The following ADAM7 variants were observed in gnomAD, a reference collection of about 807,000 sequenced individuals.
ADAM7 encodes the protein ADAM metallopeptidase domain 7, also known as disintegrin and metalloproteinase domain-containing protein 7.
A neutral mutation model predicts 102.9 loss-of-function variants in ADAM7; 97 were observed. The observed-to-expected ratio is 0.94, with a 90% CI of 0.80 to 1.12. ADAM7 has a LOEUF of 1.12. ADAM7 is among the 50% of genes most tolerant of loss of function. The pLI is 0.00. For missense variants in ADAM7, 991 were observed against 908.7 expected (o/e 1.09, Z -1.16); for synonymous variants, 334 against 304.4 (o/e 1.10, Z -1.01).
intron 8 of ADAM7, among the ~76,000 whole-genome samples, chr8:24,478,134 T>A (rs1819830607): frequency 6.6e-6 from 1 of 152,198 alleles, no homozygotes; most frequent in Admixed American, 6.6e-5. Context: ...AACTGGATTC[T>A]CTGCTCAGGA....
At chr8:24,462,580 G>A (rs2129380433) in intron 3 of ADAM7, among the ~76,000 whole-genome samples, 1 of 152,222 alleles carries the variant, frequency 6.6e-6, no homozygotes, top group South Asian at 2.1e-4. Flanking sequence ...TCCCTTCAGA[G>A]TCTGCCTGCT....
intron 11 of ADAM7, among the ~76,000 whole-genome samples, chr8:24,487,964 G>C (rs987660848): frequency 3.9e-5 from 6 of 152,064 alleles, no homozygotes; most frequent in Non-Finnish European, 7.4e-5. Flanking sequence ...AAGCTATAAT[G>C]TCTTCCTTCA....
chr8:24,475,878 CAG>C (rs1471729205), intron 7 of ADAM7: 1 of 454,342 alleles, frequency 2.2e-6, no homozygotes. Context: ...CAACAAAAGT[CAG>C]AGTAGACTGG....
chr8:24,491,241 G>C lies in ADAM7; in HGVS notation c.1356+353G>C, dbSNP rs139180680. The stretch of plus-strand genomic sequence containing the variant: ...AGGGAAAGGGGTTATATTAGCATTG[G>C]AAAGTGGCAGTGGCTAGTAAGTGGA... On this transcript the variant is annotated intron_variant, in intron 13 of 21. Transcript: ENST00000175238. 1.9e-3 allele frequency among the ~76,000 whole-genome samples: 287 copies of C among 152,306 alleles called. 1 individual carries two copies. Among genetic ancestry groups the C allele is most frequent in the African/African-American group, 6.6e-3 (275 of 41,574 alleles).
Position 24,491,931 on chromosome 8 carries a change from C to T in ADAM7, c.1385C>T (p.Pro462Leu), listed in dbSNP as rs765178430. The change falls in exon 14 of 22, where the codon CCG (proline) becomes CTG (leucine). Residue 462 changes from proline (P) to leucine (L), a missense_variant. Transcript: ENST00000175238. ...QIKKAGSICRPAKDECDFPEM... is the reference protein window; with the variant it reads ...QIKKAGSICRLAKDECDFPEM... ...AAAAAAGCAGGGTCCATATGCAGACCGGCGAAAGATGAATGTGATTTTCCT... is the reference window on the plus strand; with the variant it reads ...AAAAAAGCAGGGTCCATATGCAGACTGGCGAAAGATGAATGTGATTTTCCT... 2.6e-5 allele frequency: 42 copies of T among 1,612,030 alleles called. No homozygotes were observed. Among genetic ancestry groups the T allele is most frequent in the Middle Eastern group, 1.6e-4 (1 of 6,064 alleles).
intron 16 of ADAM7, among the ~76,000 whole-genome samples, chr8:24,497,982 G>A (rs555204255): frequency 7.1e-4 from 108 of 152,014 alleles, no homozygotes; most frequent in African/African-American, 2.3e-3. Context: ...GAAAAGCAAT[G>A]CAATGATACT....
In ADAM7 at chr8:24,508,588, T is replaced by C; in HGVS notation, c.*42T>C. 6.2e-7 allele frequency: 1 copy of C among 1,613,230 alleles called. No individual in the cohort carries two copies. Among genetic ancestry groups the C allele is most frequent in the Non-Finnish European group, 8.5e-7 (1 of 1,179,482 alleles). ...CCAAAATGGCCGTGCAAGCTTAGGC[T>C]GGGGATTCTGGATGCAACGTCTTTA... On this transcript the variant is annotated 3_prime_UTR_variant, in exon 22 of 22. Coordinates refer to ENST00000175238, the MANE Select transcript of ADAM7 (RefSeq NM_003817.4).
rs776949968 is a variant in ADAM7 at position 24,490,764 on chromosome 8, C to A, written c.1267-35C>A. 8 of 1,599,536 alleles carry A rather than the reference C, an allele frequency of 5.0e-6. No individual in the cohort carries two copies. The Admixed American group carries it at 6.8e-5, about 14-fold the overall frequency. ...CTTCAAACAGGAGTCAGAGTACATACCAATTTCTCATCTCTCTTTTGTGGT... is the reference window on the plus strand; with the variant it reads ...CTTCAAACAGGAGTCAGAGTACATAACAATTTCTCATCTCTCTTTTGTGGT... On this transcript the variant is annotated intron_variant, in intron 12 of 21. Coordinates refer to ENST00000175238, the MANE Select transcript of ADAM7 (RefSeq NM_003817.4).
At chr8:24,493,316 G>T (rs1585917131) in intron 16 of ADAM7, 87 bp downstream of exon 16, 18 of 1,242,890 alleles carry the variant, frequency 1.4e-5, no homozygotes, top group Non-Finnish European at 1.8e-5. Context: ...TTCCAAAGAG[G>T]TCTAGATATG....
chr8:24,462,301 G>T (rs1422680213), intron 3 of ADAM7, among the ~76,000 whole-genome samples: 1 of 152,116 alleles, frequency 6.6e-6, no homozygotes, highest in Non-Finnish European at 1.5e-5. Context: ...ACAGAACTGA[G>T]GATTCTCCCC....
intron 2 of ADAM7, among the ~76,000 whole-genome samples, chr8:24,444,548 G>A (rs73223138): frequency 0.07 from 10,624 of 151,958 alleles, 464 homozygotes; most frequent in Admixed American, 0.11. Flanking sequence ...TAATAAAATG[G>A]CATTTTCTAT....
rs111355286 is a variant in ADAM7 at position 24,481,063 on chromosome 8, AAAACAAACAAAC to A, written c.706-1056_706-1045del. ...GGTGACAGAATGAGACCCTGTCTCA[AAAACAAACAAAC>A]AAACAAACAAACAAACAAACAATTC... is the stretch of plus-strand genomic sequence containing the variant. On this transcript the variant is annotated intron_variant, in intron 8 of 21. Transcript: ENST00000175238. Among the ~76,000 whole-genome samples, 25 of 149,982 alleles carry A rather than the reference AAAACAAACAAAC, an allele frequency of 1.7e-4. No individual in the cohort carries two copies. The East Asian group carries it at 2.4e-3, about 14-fold the overall frequency.
intron 20 of ADAM7, 61 bp from the exon 21 acceptor site, chr8:24,507,419 G>A (rs993946595): frequency 7.8e-5 from 105 of 1,337,652 alleles, no homozygotes; most frequent in Non-Finnish European, 1.0e-4. Context: ...GTCTGTGTGT[G>A]GATGCCCATG....
At chr8:24,454,552 C>A (rs909377430) in intron 3 of ADAM7, among the ~76,000 whole-genome samples, 2 of 152,202 alleles carry the variant, frequency 1.3e-5, no homozygotes, top group African/African-American at 4.8e-5. Context: ...CAGGTGCCAT[C>A]TGTCACCCCT....
chr8:24,459,147 T>G (rs1470517459), intron 3 of ADAM7, among the ~76,000 whole-genome samples: 1 of 151,954 alleles, frequency 6.6e-6, no homozygotes, highest in Non-Finnish European at 1.5e-5. Flanking sequence ...AGCATATTTG[T>G]GTGTATGTGT....
At chr8:24,497,767 C>A (rs1265218298) in intron 16 of ADAM7, among the ~76,000 whole-genome samples, 1 of 152,012 alleles carries the variant, frequency 6.6e-6, no homozygotes, top group Non-Finnish European at 1.5e-5. Context: ...TACCCTCATG[C>A]CTTGAATGTC....
chr8:24,454,541 G>C (rs1330409077), intron 3 of ADAM7, among the ~76,000 whole-genome samples: 2 of 152,138 alleles, frequency 1.3e-5, no homozygotes, highest in African/African-American at 4.8e-5. Context: ...ACCCGATTTT[G>C]CAGGTGCCAT....
chr8:24,506,784 C>T (rs565406681), intron 20 of ADAM7, among the ~76,000 whole-genome samples: 5 of 151,436 alleles, frequency 3.3e-5, no homozygotes, highest in Non-Finnish European at 7.4e-5. Context: ...CACACACACA[C>T]ACACACAAAA....
chr8:24,447,077 G>T, intron 2 of ADAM7, 109 bp from the exon 3 acceptor site: 1 of 503,170 alleles, frequency 2.0e-6, no homozygotes, highest in Non-Finnish European at 3.5e-6. Flanking sequence ...TTGGCTGAAA[G>T]GACTGCTGGG....
Sources: allele counts gnomAD v4.1 joint callset (sites outside exome capture counted in the v4.1 genomes callset), GRCh38; gene constraint gnomAD v4.1.1; transcripts MANE v1.5; gene names NCBI Gene and HGNC (gene_info 2026-07-23, HGNC 2026-07-21).